Variants in AKAP19 observed in about 807,000 individuals in gnomAD.
AKAP19 encodes the protein A-kinase anchoring protein 19.
At chr2:190,080,899 C>A in the AKAP19 span, among the ~76,000 whole-genome samples, 1 of 152,156 alleles carries the variant, frequency 6.6e-6, no homozygotes, top group Non-Finnish European at 1.5e-5. Flanking sequence ...TACAAGATTC[C>A]ATTTCATGAA....
the AKAP19 span, among the ~76,000 whole-genome samples, chr2:190,171,098 T>C: frequency 1.3e-5 from 2 of 152,192 alleles, no homozygotes; most frequent in Non-Finnish European, 2.9e-5. Context: ...TTTGGGTTCT[T>C]AGAAAGACCT....
At chr2:190,017,016 C>A in the AKAP19 span, among the ~76,000 whole-genome samples, 469 of 152,008 alleles carry the variant, frequency 3.1e-3, 1 homozygote, top group African/African-American at 0.011. Context: ...ATAAATTGAC[C>A]CTTTTATCAT....
the AKAP19 span, among the ~76,000 whole-genome samples, chr2:190,155,187 A>G: frequency 6.6e-6 from 1 of 152,180 alleles, no homozygotes; most frequent in African/African-American, 2.4e-5. Flanking sequence ...CAGAGAGAGT[A>G]AGGAGGTATC....
the AKAP19 span, among the ~76,000 whole-genome samples, chr2:190,193,666 GTATA>G: frequency 1.3e-5 from 2 of 152,108 alleles, no homozygotes; most frequent in Non-Finnish European, 2.9e-5. Context: ...CCTTTTAAAC[GTATA>G]TAGATGTCAT....
chr2:190,017,904 T>C, the AKAP19 span, among the ~76,000 whole-genome samples: 1 of 152,216 alleles, frequency 6.6e-6, no homozygotes, highest in African/African-American at 2.4e-5. Context: ...TCCTCATTTA[T>C]AAAGGACAGC....
the AKAP19 span, among the ~76,000 whole-genome samples, chr2:190,082,071 C>G: frequency 3.3e-5 from 5 of 152,198 alleles, no homozygotes; most frequent in African/African-American, 1.2e-4. Flanking sequence ...TCTGGCCAGT[C>G]TGTGGAGTAT....
chr2:189,926,215 T>C, the AKAP19 span, among the ~76,000 whole-genome samples: 2 of 152,252 alleles, frequency 1.3e-5, no homozygotes, highest in Non-Finnish European at 2.9e-5. Flanking sequence ...TCCATTTCAC[T>C]CTGTGGAAAT....
At chr2:189,909,181 C>T in the AKAP19 span, among the ~76,000 whole-genome samples, 4 of 151,712 alleles carry the variant, frequency 2.6e-5, no homozygotes, top group Admixed American at 6.6e-5. Context: ...AGTCACACTA[C>T]GTTCTTTTGG....
chr2:189,942,017 A>C, the AKAP19 span, among the ~76,000 whole-genome samples: 1 of 152,200 alleles, frequency 6.6e-6, no homozygotes, highest in Non-Finnish European at 1.5e-5. Flanking sequence ...GGGGAGCTAA[A>C]TTTAGATAAA....
chr2:189,983,600 C>A, the AKAP19 span, among the ~76,000 whole-genome samples: 1 of 152,246 alleles, frequency 6.6e-6, no homozygotes, highest in Non-Finnish European at 1.5e-5. Context: ...CTGCCCACTT[C>A]AATGATTGGT....
the AKAP19 span, chr2:190,181,547 C>T: frequency 1.3e-5 from 2 of 152,242 alleles, no homozygotes; most frequent in East Asian, 3.9e-4. Context: ...TGAAATGATG[C>T]AAATAAGAAA....
chr2:190,180,789 C>CGCGGCGGGCGCG, the AKAP19 span: 5 of 985,312 alleles, frequency 5.1e-6, no homozygotes, highest in South Asian at 4.7e-5. This position sits in a 1 kb window ranked among gnomAD's most constrained non-coding sequence, Gnocchi z 6.8. Context: ...GCGAGGAGCG[C>CGCGGCGGGCGCG]GCGGCGGGCG....
the AKAP19 span, among the ~76,000 whole-genome samples, chr2:189,948,158 G>A: frequency 6.6e-6 from 1 of 152,176 alleles, no homozygotes; most frequent in South Asian, 2.1e-4. Context: ...AATTAAAAAT[G>A]TATAGCATTC....
the AKAP19 span, among the ~76,000 whole-genome samples, chr2:190,167,220 CAA>C: frequency 6.6e-6 from 1 of 152,078 alleles, no homozygotes; most frequent in Non-Finnish European, 1.5e-5. Flanking sequence ...TTGTGGCAGA[CAA>C]GAGAAAAGAG....
At chr2:189,997,896 G>T in the AKAP19 span, among the ~76,000 whole-genome samples, 6 of 152,136 alleles carry the variant, frequency 3.9e-5, no homozygotes, top group Admixed American at 3.9e-4. Flanking sequence ...AATTCTGCCA[G>T]CTGCCTTCCC....
At chr2:190,105,945 G>A in the AKAP19 span, among the ~76,000 whole-genome samples, 1 of 152,152 alleles carries the variant, frequency 6.6e-6, no homozygotes, top group Non-Finnish European at 1.5e-5. Context: ...GTAAGTGCTG[G>A]AAATAAGTGC....
the AKAP19 span, among the ~76,000 whole-genome samples, chr2:190,106,531 C>G: frequency 9.2e-5 from 14 of 152,072 alleles, no homozygotes; most frequent in Non-Finnish European, 1.9e-4. Flanking sequence ...AAGCACTTGA[C>G]CATTAGTAGT....
At chr2:190,078,245 A>G in the AKAP19 span, among the ~76,000 whole-genome samples, 9 of 152,188 alleles carry the variant, frequency 5.9e-5, no homozygotes, top group African/African-American at 2.2e-4. Context: ...AGTTCTGTGC[A>G]TCACATCATT....
the AKAP19 span, among the ~76,000 whole-genome samples, chr2:190,166,495 G>A: frequency 2.0e-5 from 3 of 151,498 alleles, no homozygotes; most frequent in Non-Finnish European, 4.4e-5. Context: ...ACTATAGGTC[G>A]ATATCACTCA....
Sources: allele counts gnomAD v4.1 joint callset (sites outside exome capture counted in the v4.1 genomes callset), GRCh38; gene constraint gnomAD v4.1.1; non-coding constraint Gnocchi (gnomAD v3.1); transcripts MANE v1.5; gene names NCBI Gene and HGNC (gene_info 2026-07-23, HGNC 2026-07-21).